Variants in DCDC1 observed in about 807,000 individuals in gnomAD.
DCDC1 encodes the protein doublecortin domain containing 1, also known as doublecortin domain-containing protein 1.
Under a neutral mutation model 178.3 loss-of-function variants are expected in DCDC1, and 200 were observed. That is an observed-to-expected ratio of 1.12 (90% CI 1.00 to 1.26). The LOEUF (loss-of-function observed/expected upper bound fraction) is 1.26. DCDC1 is among the 50% of genes most tolerant of loss of function. The pLI is 0.00. For synonymous variants in DCDC1, 690 were observed against 604.8 expected (o/e 1.14, Z -2.07); for missense variants, 1,983 against 1,749.2 (o/e 1.13, Z -2.38).
In DCDC1 at chr11:31,103,638, A is replaced by G. The variant is rs1486395114; in HGVS notation, c.1877+6T>C. 1.3e-6 allele frequency: 1 copy of G among 756,870 alleles called. No homozygotes were observed. Among genetic ancestry groups the G allele is most frequent in the East Asian group, 2.4e-5 (1 of 40,914 alleles). 46.9% of individuals were successfully genotyped at this position (756,870 alleles called of 1,614,324 possible). A position where few individuals can be genotyped will look rare whatever the true frequency, so the allele number is the denominator to read the frequency against. ...ACATCTTTAACAAGATTACTTGTTA[A>G]TTTACTTGCCACATCCAGGTAGCAG... On this transcript the variant is annotated splice_donor_region_variant and intron_variant, in intron 14 of 38. Coordinates refer to ENST00000684477, the MANE Select transcript of DCDC1 (RefSeq NM_001387274.1).
At chr11:31,237,146 T>A (rs1022773201) in intron 9 of DCDC1, among the ~76,000 whole-genome samples, 16 of 152,106 alleles carry the variant, frequency 1.1e-4, no homozygotes, top group African/African-American at 3.8e-4. Flanking sequence ...TACTATTGTT[T>A]GATACCTAAT....
chr11:30,871,925 TA>T (rs1222940508), intron 38 of DCDC1, among the ~76,000 whole-genome samples: 1 of 151,976 alleles, frequency 6.6e-6, no homozygotes, highest in Non-Finnish European at 1.5e-5. Context: ...TGTACACATA[TA>T]TACATACACA....
chr11:31,029,168 C>T (rs956653176), intron 20 of DCDC1, among the ~76,000 whole-genome samples: 5 of 152,046 alleles, frequency 3.3e-5, no homozygotes, highest in Admixed American at 2.0e-4. Context: ...CAAAGATCAA[C>T]ACAAATGATA....
At chr11:30,956,318 G>A (rs1402323810) in intron 20 of DCDC1, among the ~76,000 whole-genome samples, 5 of 152,182 alleles carry the variant, frequency 3.3e-5, no homozygotes, top group African/African-American at 9.7e-5. Context: ...TTATAGGCAT[G>A]AGCCACCATG....
At chr11:30,957,777 A>G (rs1319786320) in intron 20 of DCDC1, among the ~76,000 whole-genome samples, 2 of 152,190 alleles carry the variant, frequency 1.3e-5, no homozygotes, top group Non-Finnish European at 2.9e-5. Flanking sequence ...AATATCCTTC[A>G]TGACATGTGG....
chr11:30,909,454 C>T (rs879399844), intron 28 of DCDC1, among the ~76,000 whole-genome samples: 7 of 151,906 alleles, frequency 4.6e-5, no homozygotes, highest in Non-Finnish European at 8.8e-5. Flanking sequence ...AATAGTTAAA[C>T]ATGAAGGTTC....
At chr11:31,051,930 C>CA (rs1016888498) in intron 20 of DCDC1, among the ~76,000 whole-genome samples, 2 of 151,904 alleles carry the variant, frequency 1.3e-5, no homozygotes, top group African/African-American at 2.4e-5. Flanking sequence ...AAAGCAAAAA[C>CA]AAAAAACAAA....
chr11:31,150,835 T>C (rs1463795329), intron 9 of DCDC1, among the ~76,000 whole-genome samples: 1 of 152,192 alleles, frequency 6.6e-6, no homozygotes, highest in Non-Finnish European at 1.5e-5. Context: ...GGAGATAAAC[T>C]ATTATCACCT....
chr11:31,328,832 TA>T (rs1044732823), intron 2 of DCDC1, among the ~76,000 whole-genome samples: 3 of 147,858 alleles, frequency 2.0e-5, no homozygotes, highest in African/African-American at 7.5e-5. Context: ...AAAAAAGGAT[TA>T]AAAAAATGCT....
intron 9 of DCDC1, among the ~76,000 whole-genome samples, chr11:31,180,730 C>G (rs1968679576): frequency 6.6e-6 from 1 of 152,146 alleles, no homozygotes. Flanking sequence ...CCCTCAGGTG[C>G]CTACGCCACC....
intron 20 of DCDC1, among the ~76,000 whole-genome samples, chr11:31,041,432 C>T (rs1428003885): frequency 6.6e-6 from 1 of 152,172 alleles, no homozygotes; most frequent in African/African-American, 2.4e-5. Flanking sequence ...TGTGCTGGTA[C>T]TATTCCAAAT....
chr11:31,189,154 C>T (rs756563007), intron 9 of DCDC1, among the ~76,000 whole-genome samples: 10 of 152,086 alleles, frequency 6.6e-5, no homozygotes, highest in South Asian at 4.2e-4. Flanking sequence ...GTTATAGCGG[C>T]GCAAATGTAC....
chr11:31,088,675 T>C (rs945334366), intron 17 of DCDC1, among the ~76,000 whole-genome samples: 6 of 152,160 alleles, frequency 3.9e-5, no homozygotes, highest in African/African-American at 1.4e-4. Flanking sequence ...AAACAATCAA[T>C]TATTTTTTAA....
intron 29 of DCDC1, among the ~76,000 whole-genome samples, chr11:30,906,966 G>A (rs1252049424): frequency 6.6e-6 from 1 of 152,058 alleles, no homozygotes; most frequent in African/African-American, 2.4e-5. Flanking sequence ...TGCAAAATCA[G>A]CTTCTTGGAG....
chr11:31,040,456 C>A (rs570423511), intron 20 of DCDC1, among the ~76,000 whole-genome samples: 1 of 152,080 alleles, frequency 6.6e-6, no homozygotes, highest in Non-Finnish European at 1.5e-5. Flanking sequence ...GTGTGGGAAC[C>A]GCTGTTATAG....
intron 9 of DCDC1, among the ~76,000 whole-genome samples, chr11:31,191,250 A>G: frequency 6.6e-6 from 1 of 152,022 alleles, no homozygotes; most frequent in East Asian, 1.9e-4. Flanking sequence ...GAATCCATGG[A>G]TGTGGAACCC....
chr11:30,893,737 G>C (rs1943980927), intron 35 of DCDC1, among the ~76,000 whole-genome samples: 1 of 152,038 alleles, frequency 6.6e-6, no homozygotes, highest in Non-Finnish European at 1.5e-5. Flanking sequence ...AGTTTTCCCT[G>C]GTCTCTCTCC....
At position 30,883,983 on chromosome 11, in the gene DCDC1, G is replaced by A. The variant is rs551168178; in HGVS notation, c.5083-2675C>T. ...TTCATAGAGAAAAAAAATGTGAAAC[G>A]ACCAAAAAAGGAGGTGGGCAAGAAA... On this transcript the variant is annotated intron_variant, in intron 36 of 38. Transcript: ENST00000684477. Among the ~76,000 whole-genome samples, 96 of 147,534 alleles carry A rather than the reference G, an allele frequency of 6.5e-4. 1 individual carries two copies. In the South Asian group the frequency reaches 0.019, roughly 29 times the overall value.
At chr11:31,041,722 A>C (rs987247511) in intron 20 of DCDC1, among the ~76,000 whole-genome samples, 13 of 152,178 alleles carry the variant, frequency 8.5e-5, no homozygotes, top group Admixed American at 6.5e-4. Context: ...GGGCAACTGA[A>C]ACACAAGAGA....
Sources: gnomAD v4.1 joint callset for allele counts (sites outside exome capture counted in the v4.1 genomes callset) on GRCh38, gnomAD v4.1.1 for gene constraint, MANE v1.5 for transcripts, NCBI Gene and HGNC (gene_info 2026-07-23, HGNC 2026-07-21) for gene names.